The following EXOSC7 variants were observed in gnomAD, a reference collection of about 807,000 sequenced individuals.
EXOSC7 encodes the protein exosome component 7.
Under a neutral mutation model 34.3 loss-of-function variants are expected in EXOSC7, and 25 were observed. The observed-to-expected ratio is 0.73, with a 90% confidence interval of 0.53 to 1.02. The LOEUF (loss-of-function observed/expected upper bound fraction) is 1.02. Among genes scored for constraint, EXOSC7 ranks in the 50% least tolerant of loss-of-function variants. The probability of loss-of-function intolerance (pLI) is 0.00; values close to 1 mark genes in which losing one functional copy is unlikely to be tolerated. For synonymous variants in EXOSC7, 130 were observed against 143.0 expected, an observed-to-expected ratio of 0.91 and a Z score of 0.65; for missense variants, 370 against 368.5, an observed-to-expected ratio of 1.00 and a Z score of -0.03.
chr3:44,992,224 C>T (rs1026003157), intron 3 of EXOSC7, among the ~76,000 whole-genome samples: 7 of 152,188 alleles, frequency 4.6e-5, no homozygotes, highest in African/African-American at 1.2e-4. Context: ...TGCCTATCCA[C>T]AGGCTGAAAC....
In EXOSC7 at chr3:44,991,955, A is replaced by G. The variant is rs1002377579; in HGVS notation, c.254+2311A>G. On this transcript the variant is annotated intron_variant, in intron 3 of 7. Coordinates refer to ENST00000265564, the MANE Select transcript of EXOSC7 (RefSeq NM_015004.4). The stretch of plus-strand genomic sequence containing the variant: ...GCCGGGCAAGTAGAATCACCATGAG[A>G]GAGTCACAAAACCCCATTTCCTACA... Among the ~76,000 whole-genome samples the G allele has an allele frequency of 7.9e-5, 12 of 152,310 alleles. 1 individual carries two copies. The highest frequency in any genetic ancestry group is 7.8e-4 in the Admixed American group (12 of 15,304).
At chr3:44,993,182 C>T (rs926656202) in intron 3 of EXOSC7, among the ~76,000 whole-genome samples, 3 of 152,140 alleles carry the variant, frequency 2.0e-5, no homozygotes, top group African/African-American at 7.2e-5. Context: ...ATAACTCTCG[C>T]AGACACTTCA....
At position 44,989,594 on chromosome 3, in the gene EXOSC7, G is replaced by A. The variant is rs780990420; in HGVS notation, c.204G>A (p.Thr68=). The change falls in exon 3 of 8, where the codon ACG becomes ACA. Residue 68 remains threonine, a synonymous_variant. Coordinates refer to ENST00000265564, the MANE Select transcript of EXOSC7 (RefSeq NM_015004.4). The part of the protein sequence containing the change: ...ILVGVKAEMG[T]PKLEKPNEGY... The stretch of plus-strand genomic sequence containing the variant: ...TGGGAGTGAAAGCAGAAATGGGGAC[G>A]CCGAAGCTGGAGAAACCAAATGAAG... 4.3e-6 allele frequency: 7 copies of A among 1,614,008 alleles called. No homozygotes were observed. Among genetic ancestry groups the A allele is most frequent in the Middle Eastern group, 1.6e-4 (1 of 6,084 alleles).
chr3:44,979,495 G>A (rs543244945), intron 1 of EXOSC7, among the ~76,000 whole-genome samples: 77 of 152,278 alleles, frequency 5.1e-4, no homozygotes, highest in African/African-American at 1.8e-3. Context: ...TGAGGATTCA[G>A]TTGCTAGTAA....
intron 3 of EXOSC7, among the ~76,000 whole-genome samples, chr3:44,992,449 C>T (rs1409857823): frequency 3.9e-5 from 6 of 152,190 alleles, no homozygotes; most frequent in Admixed American, 3.9e-4. Context: ...GATGATAATA[C>T]ATGGAGCCAA....
intron 5 of EXOSC7, 184 bp from the exon 6 acceptor site, chr3:45,005,107 C>A: frequency 1.7e-6 from 1 of 590,314 alleles, no homozygotes; most frequent in Non-Finnish European, 3.0e-6. Flanking sequence ...GATGCCTTTC[C>A]TCATTGCACT....
chr3:45,007,218 A>G (rs1320210976), intron 6 of EXOSC7, among the ~76,000 whole-genome samples: 3 of 152,142 alleles, frequency 2.0e-5, no homozygotes, highest in African/African-American at 7.2e-5. Context: ...TCGTGTTTTT[A>G]TTGTACCACC....
chr3:44,998,074 C>T, intron 4 of EXOSC7, among the ~76,000 whole-genome samples: 1 of 137,892 alleles, frequency 7.3e-6, no homozygotes, highest in East Asian at 2.1e-4. Flanking sequence ...CTTGCTCTGT[C>T]ACCCAGGCTG....
chr3:44,997,322 C>T, intron 4 of EXOSC7, 70 bp downstream of exon 4: 2 of 1,461,642 alleles, frequency 1.4e-6, no homozygotes, highest in Non-Finnish European at 1.9e-6. Context: ...TATTTTCCTT[C>T]CAGTGCTTTT....
chr3:44,987,036 G>A (rs1481227640), intron 1 of EXOSC7, among the ~76,000 whole-genome samples: 1 of 150,238 alleles, frequency 6.7e-6, no homozygotes, highest in East Asian at 1.9e-4. Context: ...CAAAGAATGA[G>A]AAGGAGCTCC....
At chr3:45,002,274 T>C (rs1706903225) in intron 5 of EXOSC7, 1 of 152,166 alleles carries the variant, frequency 6.6e-6, no homozygotes, top group African/African-American at 2.4e-5. Flanking sequence ...AGGGTGTTCA[T>C]CCTATGAGAG....
At position 44,987,201 on chromosome 3, in the gene EXOSC7, A is replaced by G. The variant is rs572178483; in HGVS notation, c.58-1939A>G. Among the ~76,000 whole-genome samples the G allele has an allele frequency of 8.2e-4, 125 of 152,336 alleles. 1 individual carries two copies. Among genetic ancestry groups the G allele is most frequent in the African/African-American group, 2.9e-3 (122 of 41,578 alleles). ...TGCTTATTTGTGCAGAGAAAATACA[A>G]GAAAGATAAACCTGAAACTGAAGAG... On this transcript the variant is annotated intron_variant, in intron 1 of 7. Coordinates refer to ENST00000265564, the MANE Select transcript of EXOSC7 (RefSeq NM_015004.4).
In EXOSC7 at chr3:44,997,254, TGA is replaced by T. The variant is rs1370725316; in HGVS notation, c.420+4_420+5del. 1 of 1,613,680 alleles carries T rather than the reference TGA, an allele frequency of 6.2e-7. No homozygotes were observed. Among genetic ancestry groups the T allele is most frequent in the Non-Finnish European group, 8.5e-7 (1 of 1,179,758 alleles). ...TGGGTTCTCTATGTGGATGTGCTGG[TGA>T]GTATCATCGTGCTGTACTGGCCACA... On this transcript the variant is annotated splice_donor_region_variant and intron_variant, in intron 4 of 7. Transcript: ENST00000265564.
intron 7 of EXOSC7, among the ~76,000 whole-genome samples, chr3:45,008,175 G>A (rs537644400): frequency 6.6e-6 from 1 of 152,342 alleles, no homozygotes; most frequent in Admixed American, 6.5e-5. Flanking sequence ...TGGCCTGGAA[G>A]CCCCGCAGGG....
chr3:44,998,045 T>G (rs1437800466), intron 4 of EXOSC7, among the ~76,000 whole-genome samples: 1 of 150,856 alleles, frequency 6.6e-6, no homozygotes, highest in African/African-American at 2.4e-5. Flanking sequence ...TTTTGTTTTT[T>G]TTTTTTTTGA....
intron 7 of EXOSC7, 59 bp from the exon 8 acceptor site, chr3:45,011,175 TG>T: frequency 1.1e-6 from 1 of 936,372 alleles, no homozygotes; most frequent in Non-Finnish European, 1.6e-6. Context: ...AATGCTTTTC[TG>T]GTCAGAGTGT....
intron 4 of EXOSC7, among the ~76,000 whole-genome samples, chr3:45,001,000 C>T (rs1706859564): frequency 6.6e-6 from 1 of 152,150 alleles, no homozygotes; most frequent in Admixed American, 6.5e-5. Flanking sequence ...CAAGGCAGTG[C>T]CTGTAATTAG....
At chr3:45,001,261 T>G (rs945863734) in intron 4 of EXOSC7, among the ~76,000 whole-genome samples, 5 of 152,088 alleles carry the variant, frequency 3.3e-5, no homozygotes, top group Admixed American at 2.6e-4. Flanking sequence ...AAGACCAGCC[T>G]GGCCAACATG....
intron 1 of EXOSC7, among the ~76,000 whole-genome samples, chr3:44,988,883 A>T (rs1576007860): frequency 6.6e-6 from 1 of 152,320 alleles, no homozygotes; most frequent in African/African-American, 2.4e-5. Flanking sequence ...GCAATCAGAC[A>T]CAACTGGCAT....
Sources: allele counts gnomAD v4.1 joint callset (sites outside exome capture counted in the v4.1 genomes callset), GRCh38; gene constraint gnomAD v4.1.1; transcripts MANE v1.5; gene names NCBI Gene and HGNC (gene_info 2026-07-23, HGNC 2026-07-21).